Variants in NCOA6 observed in about 807,000 individuals in gnomAD.
The protein encoded by NCOA6 is nuclear receptor coactivator 6, also known as NRC RAP250.
A neutral mutation model predicts 171.4 loss-of-function variants in NCOA6; 49 were observed. The ratio of observed to expected loss-of-function variants is 0.29; its 90% CI spans 0.23 to 0.36. NCOA6 has a LOEUF of 0.36. NCOA6 is among the 10% of genes least tolerant of loss of function. NCOA6 has a pLI of 1.00. For synonymous variants in NCOA6, 910 were observed against 927.5 expected (o/e 0.98, Z 0.34); for missense variants, 2,248 against 2,554.5 (o/e 0.88, Z 2.59).
intron 1 of NCOA6, chr20:34,820,054 C>T (rs2078960167): frequency 6.6e-6 from 1 of 152,156 alleles, no homozygotes; most frequent in African/African-American, 2.4e-5. Context: ...ATTCCAGATA[C>T]ATTAAAGATC....
At chr20:34,762,662 CATT>C (rs1332795974) in intron 5 of NCOA6, among the ~76,000 whole-genome samples, 1 of 152,052 alleles carries the variant, frequency 6.6e-6, no homozygotes, top group Non-Finnish European at 1.5e-5. Context: ...ATATGATCAT[CATT>C]ATTACTAAAT....
intron 14 of NCOA6, among the ~76,000 whole-genome samples, chr20:34,715,689 G>A (rs963278354): frequency 6.6e-6 from 1 of 152,196 alleles, no homozygotes; most frequent in South Asian, 2.1e-4. Context: ...ATCATAAAAC[G>A]AAGTGTAATA....
intron 13 of NCOA6, among the ~76,000 whole-genome samples, chr20:34,729,103 A>G (rs1255106633): frequency 1.3e-5 from 2 of 152,244 alleles, no homozygotes; most frequent in Non-Finnish European, 2.9e-5. Context: ...GGCATGCGCC[A>G]CCACGCCTGG....
At chr20:34,816,906 A>C (rs1165646967) in intron 1 of NCOA6, among the ~76,000 whole-genome samples, 3 of 151,804 alleles carry the variant, frequency 2.0e-5, no homozygotes, top group Non-Finnish European at 2.9e-5. Context: ...GGATCACCTA[A>C]GGTCAGGAGT....
At chr20:34,803,421 G>A (rs1431062247) in intron 1 of NCOA6, among the ~76,000 whole-genome samples, 3 of 150,502 alleles carry the variant, frequency 2.0e-5, no homozygotes, top group Admixed American at 2.0e-4. Flanking sequence ...GAGCCAATAC[G>A]GCACCACTGT....
At chr20:34,751,569 A>G (rs1282692078) in intron 8 of NCOA6, among the ~76,000 whole-genome samples, 2 of 152,018 alleles carry the variant, frequency 1.3e-5, no homozygotes, top group Non-Finnish European at 2.9e-5. Context: ...TGATGTGGTA[A>G]AAAGCAGTTA....
At position 34,733,482 on chromosome 20, in the gene NCOA6, C is replaced by T. The variant is rs188542030; in HGVS notation, c.5963-887G>A. 1.3e-3 allele frequency among the ~76,000 whole-genome samples: 203 copies of T among 152,256 alleles called. 3 individuals carry two copies. The highest frequency in any genetic ancestry group is 4.7e-3 in the African/African-American group (196 of 41,538). On this transcript the variant is annotated intron_variant, in intron 12 of 14. Coordinates refer to ENST00000359003, the MANE Select transcript of NCOA6 (RefSeq NM_014071.5). ...AATTTTGACTTCAATGCTTATTAGCCATGTGACCTTGGGTAAATTATCTGA... is the reference window on the plus strand; with the variant it reads ...AATTTTGACTTCAATGCTTATTAGCTATGTGACCTTGGGTAAATTATCTGA...
chr20:34,730,741 C>G, intron 13 of NCOA6, among the ~76,000 whole-genome samples: 1 of 128,436 alleles, frequency 7.8e-6, no homozygotes, highest in Non-Finnish European at 1.6e-5. Context: ...AAGATAGAGT[C>G]TTACTCTGTT....
rs549976695 is a variant in NCOA6, at chr20:34,753,556, G to A, written c.1675+1166C>T. 2.0e-5 allele frequency among the ~76,000 whole-genome samples: 3 copies of A among 152,060 alleles called. No homozygotes were observed. In the South Asian group the frequency reaches 6.2e-4, roughly 32 times the overall value. On this transcript the variant is annotated intron_variant, in intron 8 of 14. Coordinates refer to ENST00000359003, the MANE Select transcript of NCOA6 (RefSeq NM_014071.5). ...GGCACCTGTAATCCCAGCTACTCAG[G>A]AGGCTGAGGCAGAGAATTGCTTGAA...
intron 1 of NCOA6, among the ~76,000 whole-genome samples, 197 bp downstream of exon 1, chr20:34,825,275 C>T (rs1368821447): frequency 6.6e-6 from 1 of 151,544 alleles, no homozygotes; most frequent in Non-Finnish European, 1.5e-5. Context: ...CGCTCCCCAA[C>T]ATGGCGACGG....
At position 34,782,361 on chromosome 20, in the gene NCOA6, A is replaced by G. The variant is rs1568844676; in HGVS notation, c.-6T>C. The G allele has an allele frequency of 1.9e-6, 3 of 1,554,080 alleles. No individual in the cohort carries two copies. Among genetic ancestry groups the G allele is most frequent in the African/African-American group, 1.4e-5 (1 of 73,424 alleles). ...GGAAGGTCATCCAAAACCATGGTGA[A>G]TATTATTCCAGAAGCATATGCCAAG... is the stretch of plus-strand genomic sequence containing the variant. On this transcript the variant is annotated 5_prime_UTR_variant, in exon 3 of 15. Coordinates refer to ENST00000359003, the MANE Select transcript of NCOA6 (RefSeq NM_014071.5).
intron 1 of NCOA6, chr20:34,819,815 C>A (rs956562224): frequency 2.0e-5 from 3 of 152,114 alleles, no homozygotes; most frequent in African/African-American, 7.2e-5. Flanking sequence ...TCACAAAACC[C>A]TATGAGATTA....
At chr20:34,716,415 GTGTTTTAACTTAA>G (rs781165838) in intron 14 of NCOA6, among the ~76,000 whole-genome samples, 21 of 152,264 alleles carry the variant, frequency 1.4e-4, no homozygotes, top group Non-Finnish European at 2.5e-4. Context: ...TGTACTATCA[GTGTTTTAACTTAA>G]TCTTATGCCA....
chr20:34,792,681 C>A, intron 1 of NCOA6, 118 bp from the exon 2 acceptor site: 2 of 385,870 alleles, frequency 5.2e-6, no homozygotes, highest in South Asian at 1.4e-4. Context: ...CAACAAAAGT[C>A]AATGTAAATA....
intron 4 of NCOA6, among the ~76,000 whole-genome samples, chr20:34,769,760 A>G (rs1163780965): frequency 6.6e-6 from 1 of 152,188 alleles, no homozygotes; most frequent in Non-Finnish European, 1.5e-5. Context: ...CTAAACTTAG[A>G]GGCAACTTAA....
chr20:34,807,871 G>C (rs927101327), intron 1 of NCOA6, among the ~76,000 whole-genome samples: 1 of 149,566 alleles, frequency 6.7e-6, no homozygotes. Context: ...TCTTGCTGGC[G>C]GGGCCTGGTG....
At position 34,787,041 on chromosome 20, in the gene NCOA6, GA is replaced by G. The variant is rs559161638; in HGVS notation, c.-49-4638del. On this transcript the variant is annotated intron_variant, in intron 2 of 14. Coordinates refer to ENST00000359003, the MANE Select transcript of NCOA6 (RefSeq NM_014071.5). The stretch of plus-strand genomic sequence containing the variant: ...CATCGGAGTGAACAGACAACCTACA[GA>G]ATGGGACAAAATTTTTGCAATCTAC... 8.6e-5 allele frequency among the ~76,000 whole-genome samples: 13 copies of G among 151,102 alleles called. No individual in the cohort carries two copies. In the South Asian group the frequency reaches 2.5e-3, roughly 29 times the overall value.
intron 3 of NCOA6, among the ~76,000 whole-genome samples, chr20:34,781,034 A>T (rs2077502220): frequency 6.6e-6 from 1 of 152,226 alleles, no homozygotes; most frequent in African/African-American, 2.4e-5. Flanking sequence ...GTAATTAATG[A>T]AGAGCAATGA....
At chr20:34,813,054 G>A (rs1056686447) in intron 1 of NCOA6, among the ~76,000 whole-genome samples, 1 of 151,848 alleles carries the variant, frequency 6.6e-6, no homozygotes, top group Non-Finnish European at 1.5e-5. Context: ...AGCTACTAGG[G>A]AGGCTGAGGC....
Sources: gnomAD v4.1 joint callset for allele counts (sites outside exome capture counted in the v4.1 genomes callset) on GRCh38, gnomAD v4.1.1 for gene constraint, MANE v1.5 for transcripts, NCBI Gene and HGNC (gene_info 2026-07-23, HGNC 2026-07-21) for gene names.